ZNF432: variants seen among roughly 807,000 people sequenced by gnomAD.
ZNF432 encodes the protein zinc finger protein 432.
Under a neutral mutation model 13.9 loss-of-function variants are expected in ZNF432, and 10 were observed. The observed-to-expected ratio is 0.72, with a 90% CI of 0.44 to 1.22. The LOEUF is 1.22. Ranked by LOEUF, ZNF432 falls within the 50% of genes most tolerant of loss-of-function variation. The probability of loss-of-function intolerance (pLI) is 0.00; values close to 1 mark genes in which losing one functional copy is unlikely to be tolerated. For missense variants in ZNF432, 793 were observed against 796.2 expected (o/e 1.00, Z 0.05); for synonymous variants, 247 against 256.2 (o/e 0.96, Z 0.34).
rs140667931 is a variant in ZNF432 at position 52,040,560 on chromosome 19, C to A, written c.166G>T (p.Ala56Ser). The change falls in exon 4 of 5, where the codon GCA (alanine) becomes TCA (serine). Residue 56 changes from alanine (A) to serine (S), a missense_variant. Ala to Ser is a moderately conservative substitution (Grantham distance 99). Transcript: ENST00000221315. ...TCTCCTCGTTCCAACTTGGAGAGTGCATCTGGTTTGCTGACTTGATAACCT... is the reference window on the plus strand; with the variant it reads ...TCTCCTCGTTCCAACTTGGAGAGTGAATCTGGTTTGCTGACTTGATAACCT... Reference protein sequence around the residue: ...SMGYQVSKPDALSKLERGEEP... With the variant: ...SMGYQVSKPDSLSKLERGEEP... 2.0e-5 allele frequency: 32 copies of A among 1,613,994 alleles called. No individual in the cohort carries two copies. The African/African-American group carries it at 4.3e-4, about 22-fold the overall frequency.
rs1006953781 is a variant in ZNF432, at chr19:52,032,406, G to A, written c.*1314C>T. On this transcript the variant is annotated 3_prime_UTR_variant, in exon 5 of 5. Coordinates refer to ENST00000221315, the MANE Select transcript of ZNF432 (RefSeq NM_014650.4). ...AGAATAGATATCAAGTGTATCATGA[G>A]TTTAGATTTGTGACAGTCCTCAAAT... The A allele has an allele frequency of 3.4e-5, 5 of 147,740 alleles. No individual in the cohort carries two copies. The highest frequency in any genetic ancestry group is 7.5e-5 in the African/African-American group (3 of 40,258). 9.2% of individuals were successfully genotyped at this position (147,740 alleles called of 1,614,324 possible).
chr19:52,037,442 TGC>T (rs2087092653), intron 4 of ZNF432, among the ~76,000 whole-genome samples: 1 of 152,176 alleles, frequency 6.6e-6, no homozygotes, highest in Non-Finnish European at 1.5e-5. Context: ...GAAGAAAATG[TGC>T]TGCTGCATGG....
intron 3 of ZNF432, 67 bp downstream of exon 3, chr19:52,041,413 A>C: frequency 6.6e-7 from 1 of 1,513,546 alleles, no homozygotes; most frequent in Non-Finnish European, 8.8e-7. Flanking sequence ...TTCCAAGGGT[A>C]AGCAACTGAG....
chr19:52,038,750 C>A (rs2123151608), intron 4 of ZNF432, among the ~76,000 whole-genome samples: 1 of 152,310 alleles, frequency 6.6e-6, no homozygotes, highest in East Asian at 1.9e-4. Context: ...TTATGGTAAT[C>A]TTCTGTGTAG....
chr19:52,045,023 T>G (rs1380639069), intron 2 of ZNF432, among the ~76,000 whole-genome samples: 1 of 151,946 alleles, frequency 6.6e-6, no homozygotes, highest in Non-Finnish European at 1.5e-5. Flanking sequence ...ATGCAAAAAA[T>G]TCTCATTATA....
In ZNF432 at chr19:52,034,911, T is replaced by G. The variant is rs1289426899; in HGVS notation, c.768A>C (p.Lys256Asn). 1 of 1,613,272 alleles carries G rather than the reference T, an allele frequency of 6.2e-7. No homozygotes were observed. The highest frequency in any genetic ancestry group is 1.7e-5 in the Admixed American group (1 of 59,862). The change falls in exon 5 of 5, where the codon AAA becomes AAC. Residue 256 changes from lysine (K) to asparagine (N), a missense_variant. Physicochemically the swap from Lys to Asn is moderately conservative, Grantham distance 94 (BLOSUM62 0). Coordinates refer to ENST00000221315, the MANE Select transcript of ZNF432 (RefSeq NM_014650.4). ...CACTGCATATAAAAGATTTCTCTCT[T>G]TTATGAATTCTTTGATGTTCATTTA... Reference protein sequence around the residue: ...SRLNEHQRIHKREKSFICSEC... With the variant: ...SRLNEHQRIHNREKSFICSEC...
At chr19:52,043,955 G>A (rs538186732) in intron 2 of ZNF432, among the ~76,000 whole-genome samples, 15 of 152,152 alleles carry the variant, frequency 9.9e-5, no homozygotes, top group African/African-American at 2.4e-4. Flanking sequence ...AGAGGCTGGC[G>A]GGATCCTCCA....
In ZNF432 at chr19:52,034,317, C is replaced by T. The variant is rs1443184691; in HGVS notation, c.1362G>A (p.Glu454=). The change falls in exon 5 of 5, where the codon GAG becomes GAA. Residue 454 remains glutamate, a synonymous_variant. Transcript: ENST00000221315. ...CACATTCACTGCATGTGTAGGGCTTCTCTCCTGTATGAGTTCGCTGATGTA... is the reference window on the plus strand; with the variant it reads ...CACATTCACTGCATGTGTAGGGCTTTTCTCCTGTATGAGTTCGCTGATGTA... The part of the protein sequence containing the change: ...LIIHQRTHTG[E]KPYTCSECGK... 1.9e-6 allele frequency: 3 copies of T among 1,609,806 alleles called. No individual in the cohort carries two copies. In the Admixed American group the frequency reaches 5.0e-5, roughly 27 times the overall value.
intron 1 of ZNF432, chr19:52,047,514 TA>T (rs34983734): frequency 0.022 from 3,410 of 152,162 alleles, 58 homozygotes; most frequent in Non-Finnish European, 0.034. Flanking sequence ...CTGTCTCTAC[TA>T]AAAATAGAAA....
chr19:52,046,884 G>A lies in ZNF432; in HGVS notation c.-16C>T, dbSNP rs768132710. The A allele has an allele frequency of 1.1e-5, 18 of 1,612,886 alleles. No homozygotes were observed. In the South Asian group the frequency reaches 1.5e-4, roughly 14 times the overall value. On this transcript the variant is annotated 5_prime_UTR_variant, in exon 2 of 5. Transcript: ENST00000221315. ...CATTGATCATTTTCTTCTGTTGTGG[G>A]AAATGGCCAGCACCTGGGATACTCT...
intron 1 of ZNF432, among the ~76,000 whole-genome samples, chr19:52,048,176 CACACACAA>C (rs955216755): frequency 5.5e-5 from 8 of 144,916 alleles, no homozygotes; most frequent in African/African-American, 1.9e-4. Flanking sequence ...CACACACACA[CACACACAA>C]AACCAGCCAG....
In ZNF432 at chr19:52,033,474, C is replaced by A; in HGVS notation, c.*246G>T. On this transcript the variant is annotated 3_prime_UTR_variant, in exon 5 of 5. Coordinates refer to ENST00000221315, the MANE Select transcript of ZNF432 (RefSeq NM_014650.4). ...ATGAAGGTTGACAAATGAAAGGTTA[C>A]CCCCAATCCACAGACTCTCTCTCAG... The A allele has an allele frequency of 2.3e-6, 1 of 444,160 alleles. No homozygotes were observed. Among genetic ancestry groups the A allele is most frequent in the Non-Finnish European group, 3.9e-6 (1 of 254,074 alleles). 27.5% of individuals were successfully genotyped at this position (444,160 alleles called of 1,614,324 possible).
rs2087020532 is a variant in ZNF432 at position 52,032,166 on chromosome 19, C to T, written c.*1554G>A. The T allele has an allele frequency of 6.6e-6, 1 of 151,966 alleles. No individual in the cohort carries two copies. Among genetic ancestry groups the T allele is most frequent in the Non-Finnish European group, 1.5e-5 (1 of 68,008 alleles). The allele number at this position is 151,966 out of a possible 1,614,324, so 9.4% of individuals were successfully genotyped here. A position where few individuals can be genotyped will look rare whatever the true frequency, so the allele number is the denominator to read the frequency against. ...TAAACTACATAATGGTACCTAGTAA[C>T]TTGGATAAACACATCCAAATATACT... On this transcript the variant is annotated 3_prime_UTR_variant, in exon 5 of 5. Transcript: ENST00000221315.
chr19:52,041,366 T>A (rs1332008925), intron 3 of ZNF432, 114 bp downstream of exon 3: 1 of 1,357,200 alleles, frequency 7.4e-7, no homozygotes, highest in South Asian at 1.7e-5. Context: ...AGCCAGAGGA[T>A]GTGCCAAAAA....
intron 1 of ZNF432, among the ~76,000 whole-genome samples, chr19:52,047,746 C>T (rs1216639474): frequency 6.7e-6 from 1 of 150,042 alleles, no homozygotes; most frequent in African/African-American, 2.5e-5. Context: ...AAGAGGGAGA[C>T]AGAGAAAAGG....
chr19:52,047,107 G>A, intron 1 of ZNF432, 47 bp from the exon 2 acceptor site: 1 of 441,112 alleles, frequency 2.3e-6, no homozygotes. Context: ...TTAACACGTG[G>A]CCCTGAATAT....
intron 4 of ZNF432, among the ~76,000 whole-genome samples, chr19:52,038,958 G>A (rs147399786): frequency 6.0e-4 from 91 of 152,370 alleles, no homozygotes; most frequent in African/African-American, 2.1e-3. Context: ...CCAGCCTTTG[G>A]AAAAACTGGA....
intron 4 of ZNF432, 26 bp from the exon 5 acceptor site, chr19:52,035,466 C>G: frequency 6.7e-7 from 1 of 1,487,436 alleles, no homozygotes; most frequent in South Asian, 1.4e-5. Context: ...ACAATGAATC[C>G]TTTTATAATC....
In ZNF432 at chr19:52,033,466, A is replaced by G; in HGVS notation, c.*254T>C. ...TAGTTTTAATGAAGGTTGACAAATG[A>G]AAGGTTACCCCCAATCCACAGACTC... is the stretch of plus-strand genomic sequence containing the variant. On this transcript the variant is annotated 3_prime_UTR_variant, in exon 5 of 5. Transcript: ENST00000221315. 2.3e-6 allele frequency: 1 copy of G among 428,984 alleles called. No homozygotes were observed. Among genetic ancestry groups the G allele is most frequent in the Non-Finnish European group, 4.1e-6 (1 of 244,292 alleles). The allele number at this position is 428,984 out of a possible 1,614,324, so 26.6% of individuals were successfully genotyped here. A position where few individuals can be genotyped will look rare whatever the true frequency, so the allele number is the denominator to read the frequency against.
Sources: gnomAD v4.1 joint callset for allele counts (sites outside exome capture counted in the v4.1 genomes callset) on GRCh38, gnomAD v4.1.1 for gene constraint, MANE v1.5 for transcripts, NCBI Gene and HGNC (gene_info 2026-07-23, HGNC 2026-07-21) for gene names.